The following CCDC40 variants were observed in gnomAD, a reference collection of about 807,000 sequenced individuals.
CCDC40 encodes coiled-coil domain 40 molecular ruler complex subunit.
CCDC40 carries 104 observed loss-of-function variants against 124.5 expected under a neutral mutation model. The observed-to-expected ratio is 0.84, with a 90% CI of 0.71 to 0.98. The LOEUF (loss-of-function observed/expected upper bound fraction) is 0.98, where lower values mean the gene tolerates loss of function less well. Among genes scored for constraint, CCDC40 ranks in the 50% least tolerant of loss-of-function variants. The probability of loss-of-function intolerance (pLI) is 0.00; values close to 1 mark genes in which losing one functional copy is unlikely to be tolerated. For missense variants in CCDC40, 1,463 were observed against 1,503.9 expected (o/e 0.97, Z 0.45); for synonymous variants, 580 against 602.9 (o/e 0.96, Z 0.56).
Position 80,095,429 on chromosome 17 carries a change from G to A in CCDC40, c.2999G>A (p.Arg1000Gln), listed in dbSNP as rs369512832. 101 of 1,614,178 alleles carry A rather than the reference G, an allele frequency of 6.3e-5. No individual in the cohort carries two copies. Among genetic ancestry groups the A allele is most frequent in the African/African-American group, 2.0e-4 (15 of 75,076 alleles). ...CACCACAAGCAGCTTGAGCTGCGCC[G>A]GAAAATCAGGGACGTTCGCAAGGTA... ...DFHHKQLELR[R>Q]KIRDVRKATD... Residue 1000 changes from arginine (R) to glutamine (Q), a missense_variant, in exon 18 of 20, where the codon CGG becomes CAG. Arg to Gln is a conservative substitution (Grantham distance 43, BLOSUM62 1). Transcript: ENST00000397545.
At position 80,085,122 on chromosome 17, in the gene CCDC40, C is replaced by G. The variant is rs570472906; in HGVS notation, c.2235+134C>G. 8 of 1,193,276 alleles carry G rather than the reference C, an allele frequency of 6.7e-6. No homozygotes were observed. In the African/African-American group the frequency reaches 1.2e-4, roughly 18 times the overall value. 73.9% of individuals were successfully genotyped at this position (1,193,276 alleles called of 1,614,324 possible). A position where few individuals can be genotyped will look rare whatever the true frequency, so the allele number is the denominator to read the frequency against. On this transcript the variant is annotated intron_variant, in intron 13 of 19. Transcript: ENST00000397545. ...ACTGCCTCTTTCCCTACCTGCTTTA[C>G]AGACAAAATGGCACGTGTGCCAAGC...
In CCDC40 at chr17:80,099,862, C is replaced by G. The variant is rs1240478581; in HGVS notation, c.*87C>G. On this transcript the variant is annotated 3_prime_UTR_variant, in exon 20 of 20. Transcript: ENST00000397545. Reference sequence around the variant, plus strand: ...TGAGGGACTTGGAATCTTTTGTGTTCCTAAAAACCACATGTACCCTCAGAA... The same window carrying G: ...TGAGGGACTTGGAATCTTTTGTGTTGCTAAAAACCACATGTACCCTCAGAA... The G allele has an allele frequency of 6.1e-6, 9 of 1,473,010 alleles. No homozygotes were observed. Among genetic ancestry groups the G allele is most frequent in the Non-Finnish European group, 8.4e-6 (9 of 1,074,246 alleles). The allele number at this position is 1,473,010 out of a possible 1,614,324, so 91.2% of individuals were successfully genotyped here.
chr17:80,056,617 AAAC>A (rs1243498595), intron 7 of CCDC40, among the ~76,000 whole-genome samples: 21 of 152,264 alleles, frequency 1.4e-4, no homozygotes, highest in African/African-American at 4.1e-4. Flanking sequence ...CTGTCTCAGA[AAAC>A]AACAAGAACA....
At chr17:80,092,136 C>T (rs2010193) in intron 17 of CCDC40, 16,971 of 152,122 alleles carry the variant, frequency 0.11, 1,164 homozygotes, top group African/African-American at 0.2. Flanking sequence ...CAAGTTCAAG[C>T]GATTCTCCTG....
intron 3 of CCDC40, among the ~76,000 whole-genome samples, chr17:80,047,043 G>A (rs1168596340): frequency 2.0e-5 from 3 of 152,062 alleles, no homozygotes; most frequent in Non-Finnish European, 4.4e-5. Context: ...ACGGGGTTTC[G>A]CCATGTTGGC....
intron 7 of CCDC40, among the ~76,000 whole-genome samples, chr17:80,056,039 A>G (rs1433180486): frequency 6.6e-5 from 2 of 30,290 alleles, no homozygotes; most frequent in Non-Finnish European, 1.4e-4. Flanking sequence ...TTTGGTAGAA[A>G]CAGGGTCTTA....
Position 80,039,995 on chromosome 17 carries a change from G to A in CCDC40, c.277G>A (p.Glu93Lys), listed in dbSNP as rs746951379. The A allele has an allele frequency of 1.2e-6, 2 of 1,614,176 alleles. No homozygotes were observed. The highest frequency in any genetic ancestry group is 1.7e-5 in the Admixed American group (1 of 60,016). ...GTCCTATGGAGATGCTGAAAGCGAAGAGGAATATTACTATACAGAAACTTC... is the reference window on the plus strand; with the variant it reads ...GTCCTATGGAGATGCTGAAAGCGAAAAGGAATATTACTATACAGAAACTTC... The part of the protein sequence containing the change: ...AVSYGDAESE[E>K]EYYYTETSSP... Residue 93 changes from glutamate to lysine, a missense_variant, in exon 3 of 20, where the codon GAG becomes AAG. Transcript: ENST00000397545.
At chr17:80,090,394 G>A (rs2038699533) in intron 17 of CCDC40, 1 of 798,130 alleles carries the variant, frequency 1.3e-6, no homozygotes, top group Non-Finnish European at 1.7e-6. Context: ...CACAGCACGT[G>A]CATGAACAAC....
rs80017238 is a variant in CCDC40, at chr17:80,047,144, C to T, written c.553-135C>T. ...TTACAGGCATGAGCCACGTGCCCGGCCAGGTTTTTTAAAAAACACACAGGT... is the reference window on the plus strand; with the variant it reads ...TTACAGGCATGAGCCACGTGCCCGGTCAGGTTTTTTAAAAAACACACAGGT... On this transcript the variant is annotated intron_variant, in intron 3 of 19. Coordinates refer to ENST00000397545, the MANE Select transcript of CCDC40 (RefSeq NM_017950.4). 0.28 allele frequency: 273,665 copies of T among 983,766 alleles called. 40,638 individuals are homozygous for T. Among genetic ancestry groups the T allele is most frequent in the Middle Eastern group, 0.36 (1,257 of 3,528 alleles). 60.9% of individuals were successfully genotyped at this position (983,766 alleles called of 1,614,324 possible).
At chr17:80,063,478 CAG>C (rs898847370) in intron 9 of CCDC40, among the ~76,000 whole-genome samples, 2 of 152,184 alleles carry the variant, frequency 1.3e-5, no homozygotes, top group Non-Finnish European at 2.9e-5. Context: ...CCGGCAGCCT[CAG>C]GGGCACCATG....
intron 17 of CCDC40, chr17:80,090,515 T>C: frequency 6.6e-7 from 1 of 1,524,918 alleles, no homozygotes; most frequent in Non-Finnish European, 8.8e-7. Flanking sequence ...AACGCTGTTT[T>C]ATTCCTACTC....
At chr17:80,044,708 A>AAC (rs201847786) in intron 3 of CCDC40, among the ~76,000 whole-genome samples, 22 of 35,900 alleles carry the variant, frequency 6.1e-4, no homozygotes, top group Admixed American at 2.0e-3. Flanking sequence ...CAAACAAACA[A>AAC]AAAAAAAAAT....
In CCDC40 at chr17:80,066,035, C is replaced by A. The variant is rs1282455422; in HGVS notation, c.1562+429C>A. The A allele has an allele frequency of 1.4e-6, 1 of 696,272 alleles. No homozygotes were observed. The highest frequency in any genetic ancestry group is 1.5e-5 in the South Asian group (1 of 67,302). 43.1% of individuals were successfully genotyped at this position (696,272 alleles called of 1,614,324 possible). A position where few individuals can be genotyped will look rare whatever the true frequency, so the allele number is the denominator to read the frequency against. On this transcript the variant is annotated intron_variant, in intron 10 of 19. Coordinates refer to ENST00000397545, the MANE Select transcript of CCDC40 (RefSeq NM_017950.4). The surrounding 1 kb of genome is among the most constrained non-coding windows in gnomAD (Gnocchi z 4.4). ...CAAAGGAAGGGGAGGAAGAGGCCTC[C>A]TCTGGGCATCCCCTCACTTCTGGGG...
Position 80,050,211 on chromosome 17 carries a change from G to C in CCDC40, c.1087G>C (p.Glu363Gln). 6.2e-7 allele frequency: 1 copy of C among 1,609,600 alleles called. No homozygotes were observed. Among genetic ancestry groups the C allele is most frequent in the Non-Finnish European group, 8.5e-7 (1 of 1,178,944 alleles). ...AMASSERRQK[E>Q]EELQAARALY... ...GGCCTCGAGCGAGCGCAGGCAGAAG[G>C]AGGAGGAGCTGCAGGCCGCCCGCGC... is the stretch of plus-strand genomic sequence containing the variant. The change falls in exon 7 of 20, where the codon GAG becomes CAG. Residue 363 changes from glutamate (E) to glutamine (Q), a missense_variant. By Grantham distance (29) the Glu-to-Gln change is conservative. Transcript: ENST00000397545.
In CCDC40 at chr17:80,058,469, C is replaced by G. The variant is rs1323141716; in HGVS notation, c.1160-25C>G. The G allele has an allele frequency of 6.2e-7, 1 of 1,611,586 alleles. No homozygotes were observed. Among genetic ancestry groups the G allele is most frequent in the Non-Finnish European group, 8.5e-7 (1 of 1,179,202 alleles). On this transcript the variant is annotated intron_variant, in intron 7 of 19. Transcript: ENST00000397545. This position sits in a 1 kb window ranked among gnomAD's most constrained non-coding sequence, Gnocchi z 4.2. The stretch of plus-strand genomic sequence containing the variant: ...CAGCCTCCCCACTCACTCTCTCTCT[C>G]TTTCTCCCCCGCCGCGCCCCGCAGT...
intron 10 of CCDC40, among the ~76,000 whole-genome samples, chr17:80,069,261 G>A (rs145328047): frequency 2.7e-5 from 4 of 147,302 alleles, no homozygotes; most frequent in African/African-American, 1.1e-4. Flanking sequence ...GCTGCTGCGT[G>A]GGGGGGGCGG....
intron 10 of CCDC40, among the ~76,000 whole-genome samples, chr17:80,080,516 TG>T: frequency 6.6e-6 from 1 of 152,340 alleles, no homozygotes; most frequent in Admixed American, 6.5e-5. Context: ...GAATTTGAAG[TG>T]GGCCCACTGG....
chr17:80,081,579 C>T lies in CCDC40; in HGVS notation c.1596C>T (p.Gly532=), dbSNP rs768363871. The T allele has an allele frequency of 1.4e-5, 22 of 1,613,808 alleles. No homozygotes were observed. Among genetic ancestry groups the T allele is most frequent in the East Asian group, 1.1e-4 (5 of 44,874 alleles). ...GCQHQAKSTD[G]EIEAYKKSIM... Reference sequence around the variant, plus strand: ...AGCATCAAGCCAAATCCACCGACGGCGAGATTGAGGCCTATAAGAAATCCA... The same window carrying T: ...AGCATCAAGCCAAATCCACCGACGGTGAGATTGAGGCCTATAAGAAATCCA... Residue 532 remains glycine, a synonymous_variant, in exon 11 of 20, where the codon GGC becomes GGT. Coordinates refer to ENST00000397545, the MANE Select transcript of CCDC40 (RefSeq NM_017950.4).
At chr17:80,093,767 G>T (rs2038759226) in intron 17 of CCDC40, among the ~76,000 whole-genome samples, 2 of 152,050 alleles carry the variant, frequency 1.3e-5, no homozygotes, top group Non-Finnish European at 2.9e-5. Flanking sequence ...ACCGGTTTCG[G>T]CCTCCCAAAG....
Sources: gnomAD v4.1 joint callset for allele counts (sites outside exome capture counted in the v4.1 genomes callset) on GRCh38, gnomAD v4.1.1 for gene constraint, Gnocchi (gnomAD v3.1) non-coding constraint, MANE v1.5 for transcripts, NCBI Gene and HGNC (gene_info 2026-07-23, HGNC 2026-07-21) for gene names.